Variants in CNBD1 observed in about 807,000 individuals in gnomAD.
CNBD1 encodes cyclic nucleotide-binding domain-containing protein 1.
CNBD1 carries 71 observed loss-of-function variants against 54.4 expected under a neutral mutation model. That is an observed-to-expected ratio of 1.30 (90% confidence interval 1.08 to 1.59). The LOEUF (loss-of-function observed/expected upper bound fraction) is 1.59. Ranked by LOEUF, CNBD1 falls within the 40% of genes most tolerant of loss-of-function variation. The probability of loss-of-function intolerance (pLI) is 0.00; values close to 1 mark genes in which losing one functional copy is unlikely to be tolerated. For missense variants in CNBD1, 659 were observed against 518.0 expected, an observed-to-expected ratio of 1.27 and a Z score of -2.64; for synonymous variants, 182 against 170.7, an observed-to-expected ratio of 1.07 and a Z score of -0.51.
intron 4 of CNBD1, among the ~76,000 whole-genome samples, chr8:87,100,931 T>G (rs1293526074): frequency 6.6e-6 from 1 of 152,158 alleles, no homozygotes; most frequent in Non-Finnish European, 1.5e-5. Context: ...ACCACCCATG[T>G]AGGGAAGATT....
At chr8:87,187,536 A>G (rs966735444) in intron 4 of CNBD1, among the ~76,000 whole-genome samples, 2 of 151,610 alleles carry the variant, frequency 1.3e-5, no homozygotes, top group African/African-American at 2.4e-5. Flanking sequence ...GACACCAAAC[A>G]TAACAGATTA....
intron 4 of CNBD1, among the ~76,000 whole-genome samples, chr8:87,172,394 A>G (rs540605977): frequency 2.6e-5 from 4 of 152,202 alleles, no homozygotes; most frequent in South Asian, 2.1e-4. Context: ...TCTTTGGTCT[A>G]TAGTGCAGAC....
intron 4 of CNBD1, among the ~76,000 whole-genome samples, chr8:87,048,818 G>T (rs142047877): frequency 9.2e-5 from 14 of 152,306 alleles, no homozygotes; most frequent in African/African-American, 3.1e-4. Context: ...GGAGCTGCCT[G>T]TTGAGGGGAT....
chr8:87,316,069 A>T (rs1262037217), intron 8 of CNBD1, among the ~76,000 whole-genome samples: 1 of 152,100 alleles, frequency 6.6e-6, no homozygotes, highest in Non-Finnish European at 1.5e-5. Flanking sequence ...AATATACTTG[A>T]TCTTAGCCAA....
intron 2 of CNBD1, among the ~76,000 whole-genome samples, chr8:87,418,307 A>G (rs1056128661): frequency 1.3e-5 from 2 of 151,984 alleles, no homozygotes; most frequent in Non-Finnish European, 2.9e-5. Context: ...AGACAACCGA[A>G]TATTCACATG....
intron 6 of CNBD1, among the ~76,000 whole-genome samples, chr8:87,261,034 A>G (rs1808130276): frequency 6.6e-6 from 1 of 152,092 alleles, no homozygotes; most frequent in Non-Finnish European, 1.5e-5. Flanking sequence ...AAATTTTATA[A>G]CCCCTGCAAT....
chr8:87,099,966 C>T (rs761013533), intron 4 of CNBD1, among the ~76,000 whole-genome samples: 6 of 152,004 alleles, frequency 3.9e-5, no homozygotes, highest in Non-Finnish European at 8.8e-5. Flanking sequence ...GTGGCAAACT[C>T]TTAATGTTAA....
intron 1 of CNBD1, among the ~76,000 whole-genome samples, chr8:86,872,988 C>T (rs952364409): frequency 7.2e-5 from 11 of 152,072 alleles, no homozygotes; most frequent in African/African-American, 1.9e-4. Flanking sequence ...GCAGGAGGAT[C>T]GCTTGAGCCC....
intron 4 of CNBD1, among the ~76,000 whole-genome samples, chr8:87,175,009 C>G (rs1031045122): frequency 1.3e-5 from 2 of 152,174 alleles, no homozygotes; most frequent in Non-Finnish European, 2.9e-5. Flanking sequence ...TAGGATTGCA[C>G]TGGGTCAGGC....
chr8:87,185,066 T>C (rs1813445436), intron 4 of CNBD1, among the ~76,000 whole-genome samples: 1 of 152,200 alleles, frequency 6.6e-6, no homozygotes, highest in Non-Finnish European at 1.5e-5. Context: ...AAATTAATTA[T>C]ATTGTGGTCT....
At chr8:87,390,211 C>G (rs1278885769) in intron 2 of CNBD1, among the ~76,000 whole-genome samples, 1 of 152,080 alleles carries the variant, frequency 6.6e-6, no homozygotes, top group Non-Finnish European at 1.5e-5. Context: ...GTCTAAAACA[C>G]CAAAAGTAAT....
At chr8:87,176,652 ATT>A (rs1254470877) in intron 4 of CNBD1, among the ~76,000 whole-genome samples, 3 of 134,868 alleles carry the variant, frequency 2.2e-5, no homozygotes, top group Admixed American at 7.4e-5. Flanking sequence ...GCCCGGCTAA[ATT>A]TTTTTTTTTT....
At chr8:87,420,520 T>A (rs1030299584) in intron 2 of CNBD1, among the ~76,000 whole-genome samples, 3 of 152,084 alleles carry the variant, frequency 2.0e-5, no homozygotes, top group Admixed American at 6.6e-5. Context: ...TTATTACATG[T>A]CAAAGTTTGC....
chr8:87,251,864 A>T (rs1008109595), intron 6 of CNBD1, among the ~76,000 whole-genome samples: 8 of 152,118 alleles, frequency 5.3e-5, no homozygotes, highest in South Asian at 4.1e-4. Context: ...TTATCTTTTT[A>T]AAAAAATACA....
Position 87,351,668 on chromosome 8 carries a change from ATCTC to A in CNBD1, c.1043-13_1043-10del, listed in dbSNP as rs533689388. ...AAGACAAGAATGTGTGAAATGAACT[ATCTC>A]TCTTCTTTTCAGTGATAGTGGAAAG... is the stretch of plus-strand genomic sequence containing the variant. On this transcript the variant is annotated splice_polypyrimidine_tract_variant and intron_variant, in intron 8 of 10. Transcript: ENST00000518476. The A allele has an allele frequency of 4.5e-5, 66 of 1,475,222 alleles. No individual in the cohort carries two copies. In the East Asian group the frequency reaches 6.4e-4, roughly 14 times the overall value. The allele number at this position is 1,475,222 out of a possible 1,614,324, so 91.4% of individuals were successfully genotyped here.
chr8:87,345,435 A>G (rs983375549), intron 8 of CNBD1, among the ~76,000 whole-genome samples: 8 of 152,158 alleles, frequency 5.3e-5, no homozygotes, highest in Non-Finnish European at 1.2e-4. Context: ...CTGCATAGCC[A>G]GAAGTCCCCC....
intron 8 of CNBD1, among the ~76,000 whole-genome samples, chr8:87,287,334 G>A (rs1173852705): frequency 6.6e-6 from 1 of 152,156 alleles, no homozygotes; most frequent in Non-Finnish European, 1.5e-5. Context: ...ATGGGCCAGA[G>A]CTTTAGGTCT....
At chr8:87,339,699 T>A (rs1334014370) in intron 8 of CNBD1, among the ~76,000 whole-genome samples, 2 of 152,190 alleles carry the variant, frequency 1.3e-5, no homozygotes, top group East Asian at 3.9e-4. Flanking sequence ...CTTTTTTCCT[T>A]TGGTTACTGT....
chr8:87,392,126 T>G (rs115873034), intron 2 of CNBD1, among the ~76,000 whole-genome samples: 2,870 of 152,106 alleles, frequency 0.019, 92 homozygotes, highest in African/African-American at 0.063. Context: ...ACCTACTATT[T>G]TGAAAAATTA....
Sources: gnomAD v4.1 joint callset for allele counts (sites outside exome capture counted in the v4.1 genomes callset) on GRCh38, gnomAD v4.1.1 for gene constraint, MANE v1.5 for transcripts, NCBI Gene and HGNC (gene_info 2026-07-23, HGNC 2026-07-21) for gene names.